COL17A1: variants seen among roughly 807,000 people sequenced by gnomAD.
COL17A1 encodes collagen type XVII alpha 1 chain, also known as collagen alpha-1(XVII) chain.
Under a neutral mutation model 218.4 loss-of-function variants are expected in COL17A1, and 181 were observed. The ratio of observed to expected loss-of-function variants is 0.83; its 90% CI spans 0.73 to 0.94. The LOEUF (loss-of-function observed/expected upper bound fraction) is 0.94, where lower values mean the gene tolerates loss of function less well. Among genes scored for constraint, COL17A1 ranks in the 40% least tolerant of loss-of-function variants. The probability of loss-of-function intolerance (pLI) is 0.00; values close to 1 mark genes in which losing one functional copy is unlikely to be tolerated. For missense variants in COL17A1, 1,924 were observed against 1,945.9 expected (o/e 0.99, Z 0.21); for synonymous variants, 721 against 731.0 (o/e 0.99, Z 0.22).
chr10:104,049,532 G>C (rs2086447152), intron 28 of COL17A1, 61 bp from the exon 29 acceptor site: 4 of 1,559,168 alleles, frequency 2.6e-6, no homozygotes, highest in African/African-American at 1.4e-5. Flanking sequence ...TTTAACAATG[G>C]TGGTCTGCTC....
chr10:104,080,515 T>A lies in COL17A1; in HGVS notation c.52+107A>T. On this transcript the variant is annotated intron_variant, in intron 2 of 55. Coordinates refer to ENST00000648076, the MANE Select transcript of COL17A1 (RefSeq NM_000494.4). The stretch of plus-strand genomic sequence containing the variant: ...GTCCATTTAGGAACACACTTAAACA[T>A]GATACAGTGGTTGTGGTAGAATTAT... 3.0e-6 allele frequency: 4 copies of A among 1,325,370 alleles called. No homozygotes were observed. In the South Asian group the frequency reaches 4.9e-5, roughly 16 times the overall value. The allele number at this position is 1,325,370 out of a possible 1,614,324, so 82.1% of individuals were successfully genotyped here. A position where few individuals can be genotyped will look rare whatever the true frequency, so the allele number is the denominator to read the frequency against.
At chr10:104,083,744 C>T (rs1398662914) in intron 1 of COL17A1, among the ~76,000 whole-genome samples, 1 of 152,182 alleles carries the variant, frequency 6.6e-6, no homozygotes, top group African/African-American at 2.4e-5. Context: ...TAAACCATCA[C>T]ATTATCTTAT....
intron 15 of COL17A1, among the ~76,000 whole-genome samples, chr10:104,059,122 C>T (rs1253596357): frequency 6.6e-6 from 1 of 152,172 alleles, no homozygotes; most frequent in Non-Finnish European, 1.5e-5. Flanking sequence ...TCCAATCTCT[C>T]ACCTTGTTAA....
intron 32 of COL17A1, among the ~76,000 whole-genome samples, chr10:104,046,171 A>G (rs558552884): frequency 6.6e-5 from 10 of 152,200 alleles, no homozygotes; most frequent in Admixed American, 6.5e-4. Flanking sequence ...GCCTTTAACT[A>G]CTGAACTCCT....
At chr10:104,073,112 T>C in intron 7 of COL17A1, 98 bp downstream of exon 7, 1 of 1,099,998 alleles carries the variant, frequency 9.1e-7, no homozygotes, top group Non-Finnish European at 1.4e-6. Flanking sequence ...TTTATTCTTC[T>C]GTACTCCTTA....
At chr10:104,054,008 C>G in intron 21 of COL17A1, 26 bp from the exon 22 acceptor site, 3 of 1,611,900 alleles carry the variant, frequency 1.9e-6, no homozygotes, top group East Asian at 4.5e-5. Context: ...GATATCTCAG[C>G]CCCTGTTTTC....
intron 32 of COL17A1, 73 bp downstream of exon 32, chr10:104,046,674 G>A (rs1001588408): frequency 1.3e-6 from 2 of 1,490,880 alleles, no homozygotes; most frequent in Non-Finnish European, 1.9e-6. Flanking sequence ...GTGACTGCAG[G>A]AAAAGCCCTG....
At position 104,078,582 on chromosome 10, in the gene COL17A1, GA is replaced by G. The variant is rs751395620; in HGVS notation, c.56del (p.Val19AlafsTer5). Reference protein sequence around the residue: ...RDGTEVTERIVTETVTTRLTS... With the variant: ...RDGTEVTERIXTETVTTRLTS... ...TAAGTCTTGTGGTTACTGTTTCAGTGACAACTAGAAAAAGACAAAGAAAAGA... is the reference window on the plus strand; with the variant it reads ...TAAGTCTTGTGGTTACTGTTTCAGTGCAACTAGAAAAAGACAAAGAAAAGA... On this transcript the variant is annotated frameshift_variant, in exon 3 of 56. Transcript: ENST00000648076. LOFTEE classifies it high-confidence loss of function. 1.9e-6 allele frequency: 3 copies of G among 1,614,000 alleles called. No homozygotes were observed. The African/African-American group carries it at 4.0e-5, about 22-fold the overall frequency.
intron 32 of COL17A1, 21 bp from the exon 33 acceptor site, chr10:104,045,814 A>G: frequency 6.2e-7 from 1 of 1,607,648 alleles, no homozygotes; most frequent in Non-Finnish European, 8.5e-7. Flanking sequence ...TAGAACAAGT[A>G]GTCAGGACGA....
Position 104,032,698 on chromosome 10 carries a change from GTCC to G in COL17A1, c.4411_4413del (p.Gly1471del). 1 of 1,614,134 alleles carries G rather than the reference GTCC, an allele frequency of 6.2e-7. No individual in the cohort carries two copies. Among genetic ancestry groups the G allele is most frequent in the South Asian group, 1.1e-5 (1 of 91,074 alleles). On this transcript the variant is annotated inframe_deletion, in exon 55 of 56. Transcript: ENST00000648076. ...CCTTTGTCTCCTTTTTCTCCCTTGTGTCCTCGAGGGCCAGGTGGCCCAGGATGA... is the reference window on the plus strand; with the variant it reads ...CCTTTGTCTCCTTTTTCTCCCTTGTGTCGAGGGCCAGGTGGCCCAGGATGA...
At chr10:104,067,043 T>G (rs139242527) in intron 9 of COL17A1, among the ~76,000 whole-genome samples, 187 of 152,328 alleles carry the variant, frequency 1.2e-3, no homozygotes, top group African/African-American at 4.3e-3. Flanking sequence ...TCATGACTAT[T>G]CTGTTTATTG....
chr10:104,045,606 C>G (rs1377760279), intron 33 of COL17A1, 152 bp downstream of exon 33: 1 of 740,280 alleles, frequency 1.4e-6, no homozygotes, highest in Admixed American at 1.9e-5. Context: ...TCACAAATCC[C>G]TGGGCTCCCA....
At position 104,054,108 on chromosome 10, in the gene COL17A1, C is replaced by G; in HGVS notation, c.1755G>C (p.Gly585=). Residue 585 remains glycine, a synonymous_variant, in exon 21 of 56, where the codon GGG becomes GGC. Transcript: ENST00000648076. ...MGSPGPKGDR[G]FPGTPGIPGP... is the part of the protein sequence containing the mutation. ...AGTACATACCTGGAGTCCCAGGGAA[C>G]CCTCGATCTCCTGCAGGAACAAAGG... The G allele has an allele frequency of 6.2e-7, 1 of 1,610,102 alleles. No individual in the cohort carries two copies. Among genetic ancestry groups the G allele is most frequent in the Non-Finnish European group, 8.5e-7 (1 of 1,178,196 alleles).
At chr10:104,049,223 G>A (rs985891830) in intron 29 of COL17A1, among the ~76,000 whole-genome samples, 186 bp downstream of exon 29, 7 of 152,164 alleles carry the variant, frequency 4.6e-5, no homozygotes, top group African/African-American at 1.7e-4. Flanking sequence ...AACCCACAGA[G>A]GTACCTGCAG....
intron 7 of COL17A1, among the ~76,000 whole-genome samples, chr10:104,072,535 C>T (rs2086677619): frequency 6.6e-6 from 1 of 152,212 alleles, no homozygotes; most frequent in South Asian, 2.1e-4. Flanking sequence ...TAGTTAGCTT[C>T]AGGTGGAGAA....
rs1488553993 is a variant in COL17A1 at position 104,040,018 on chromosome 10, G to C, written c.2762-19C>G. The C allele has an allele frequency of 1.9e-6, 3 of 1,613,802 alleles. No individual in the cohort carries two copies. Among genetic ancestry groups the C allele is most frequent in the African/African-American group, 2.7e-5 (2 of 74,832 alleles). On this transcript the variant is annotated intron_variant, in intron 40 of 55. Transcript: ENST00000648076. ...GGGGGACCTGAGGGAAAAAGGCAGA[G>C]AGCTATGAGACAGGTACCAACCAGG...
Position 104,055,856 on chromosome 10 carries a change from A to G in COL17A1, c.1613T>C (p.Ile538Thr), listed in dbSNP as rs774630683. The change falls in exon 18 of 56, where the codon ATT becomes ACT. Residue 538 changes from isoleucine to threonine, a missense_variant. Physicochemically the swap from Ile to Thr is moderately conservative, Grantham distance 89. Transcript: ENST00000648076. ...CTCCTGGCTGTCACTGTGCAGCCCAATTTTGTCCAGGTCTGCTCCCGCCGC... is the reference window on the plus strand; with the variant it reads ...CTCCTGGCTGTCACTGTGCAGCCCAGTTTTGTCCAGGTCTGCTCCCGCCGC... ...APAAGADLDK[I>T]GLHSDSQEEL... 3.7e-6 allele frequency: 6 copies of G among 1,613,988 alleles called. No homozygotes were observed. The South Asian group carries it at 4.4e-5, about 12-fold the overall frequency.
chr10:104,037,161 A>C (rs541683781), intron 46 of COL17A1, 48 bp from the exon 47 acceptor site: 99 of 1,525,966 alleles, frequency 6.5e-5, no homozygotes, highest in Non-Finnish European at 8.5e-5. Context: ...GTACTGAAGC[A>C]ACACCCTCAC....
intron 48 of COL17A1, among the ~76,000 whole-genome samples, chr10:104,036,112 GT>G (rs2086291944): frequency 6.8e-6 from 1 of 146,426 alleles, no homozygotes; most frequent in Non-Finnish European, 1.5e-5. Context: ...GGGAGTGTGT[GT>G]GTATGGGAGT....
Sources: gnomAD v4.1 joint callset for allele counts (sites outside exome capture counted in the v4.1 genomes callset) on GRCh38, gnomAD v4.1.1 for gene constraint, MANE v1.5 for transcripts, NCBI Gene and HGNC (gene_info 2026-07-23, HGNC 2026-07-21) for gene names.